The following SBF2 variants were observed in gnomAD, a reference collection of about 807,000 sequenced individuals.
The protein encoded by SBF2 is SET binding factor 2.
SBF2 carries 112 observed loss-of-function variants against 225.2 expected under a neutral mutation model. The observed-to-expected ratio is 0.50, with a 90% CI of 0.43 to 0.58. The LOEUF is 0.58. Among genes scored for constraint, SBF2 ranks in the 20% least tolerant of loss-of-function variants. SBF2 has a pLI of 0.00. For missense variants in SBF2, 1,996 were observed against 2,206.2 expected, an observed-to-expected ratio of 0.90 and a Z score of 1.91; for synonymous variants, 763 against 773.3, an observed-to-expected ratio of 0.99 and a Z score of 0.22.
Position 9,847,227 on chromosome 11 carries a change from C to T in SBF2, c.2807-144G>A, listed in dbSNP as rs1213678653. On this transcript the variant is annotated intron_variant, in intron 22 of 39. Coordinates refer to ENST00000256190, the MANE Select transcript of SBF2 (RefSeq NM_030962.4). ...GGATGCAGTGAAAGAAAGTGCCCTT[C>T]ACTCCAGAAAAGGATTATGTCTCAG... 5.1e-6 allele frequency: 5 copies of T among 976,394 alleles called. No individual in the cohort carries two copies. In the East Asian group the frequency reaches 9.7e-5, roughly 19 times the overall value. 60.5% of individuals were successfully genotyped at this position (976,394 alleles called of 1,614,324 possible).
chr11:9,809,878 G>T (rs976408085), intron 30 of SBF2, among the ~76,000 whole-genome samples: 1 of 152,120 alleles, frequency 6.6e-6, no homozygotes, highest in Non-Finnish European at 1.5e-5. Context: ...TTGGGAATTA[G>T]ATAGTGGTGA....
chr11:10,229,325 GCTCT>G (rs1251125544), intron 1 of SBF2, among the ~76,000 whole-genome samples: 8 of 151,902 alleles, frequency 5.3e-5, no homozygotes, highest in Admixed American at 5.2e-4. Flanking sequence ...CTTCAGTTCT[GCTCT>G]CTTAGTTATT....
chr11:10,030,580 T>C (rs1450957553), intron 4 of SBF2, among the ~76,000 whole-genome samples: 1 of 152,164 alleles, frequency 6.6e-6, no homozygotes, highest in Admixed American at 6.5e-5. Context: ...GTTTGAAAAT[T>C]CTGTGTTTCT....
rs558045086 is a variant in SBF2, at chr11:9,943,619, T to C, written c.1860+18338A>G. Among the ~76,000 whole-genome samples the C allele has an allele frequency of 2.0e-5, 3 of 152,180 alleles. No homozygotes were observed. The East Asian group carries it at 5.8e-4, about 29-fold the overall frequency. On this transcript the variant is annotated intron_variant, in intron 16 of 39. Transcript: ENST00000256190. ...AGAAAACATGCAAAGCCAATGAACA[T>C]GAAAAATTGTTCCACTTATTAGTCA...
intron 16 of SBF2, among the ~76,000 whole-genome samples, chr11:9,955,785 T>C (rs1027107213): frequency 2.0e-5 from 3 of 152,106 alleles, no homozygotes; most frequent in African/African-American, 4.8e-5. Context: ...TATCATTACA[T>C]TGGAAGATCC....
intron 36 of SBF2, 41 bp from the exon 37 acceptor site, chr11:9,785,359 A>G (rs773834266): frequency 1.3e-5 from 19 of 1,500,002 alleles, no homozygotes; most frequent in South Asian, 6.8e-5. Context: ...CTTTACAGAC[A>G]CTTAAACTAC....
At chr11:9,787,783 C>T in intron 35 of SBF2, 45 bp from the exon 36 acceptor site, 1 of 1,527,354 alleles carries the variant, frequency 6.5e-7, no homozygotes, top group Non-Finnish European at 9.1e-7. Flanking sequence ...TCATAGAAAT[C>T]AGGATGGGCC....
At chr11:10,142,710 T>C (rs1409564462) in intron 2 of SBF2, among the ~76,000 whole-genome samples, 7 of 152,242 alleles carry the variant, frequency 4.6e-5, no homozygotes, top group Admixed American at 4.6e-4. Context: ...ACTTCTGATA[T>C]GTGAATATCA....
chr11:9,998,345 G>T lies in SBF2; in HGVS notation c.896C>A (p.Thr299Asn). The change falls in exon 9 of 40, where the codon ACT becomes AAT. Residue 299 changes from threonine (T) to asparagine (N), a missense_variant. Coordinates refer to ENST00000256190, the MANE Select transcript of SBF2 (RefSeq NM_030962.4). Reference sequence around the variant, plus strand: ...GTGAATACATTCGGGAATTTTAATAGTGCCTCCATCCAAATCTGCTATGAT... The same window carrying T: ...GTGAATACATTCGGGAATTTTAATATTGCCTCCATCCAAATCTGCTATGAT... ...DVIIADLDGGTIKIPECIHLS... is the reference protein window; with the variant it reads ...DVIIADLDGGNIKIPECIHLS... 1 of 1,606,300 alleles carries T rather than the reference G, an allele frequency of 6.2e-7. No individual in the cohort carries two copies.
At chr11:9,815,669 G>A (rs1854420164) in intron 29 of SBF2, among the ~76,000 whole-genome samples, 1 of 152,134 alleles carries the variant, frequency 6.6e-6, no homozygotes, top group Non-Finnish European at 1.5e-5. Context: ...TTCGGATCAC[G>A]AGTAAGTGTT....
intron 2 of SBF2, among the ~76,000 whole-genome samples, chr11:10,149,938 G>A (rs1431805877): frequency 6.6e-6 from 1 of 152,068 alleles, no homozygotes; most frequent in Non-Finnish European, 1.5e-5. Flanking sequence ...AGTTTTGAAG[G>A]AAATTTTAGG....
chr11:10,110,119 T>TA, intron 2 of SBF2, among the ~76,000 whole-genome samples: 1 of 152,242 alleles, frequency 6.6e-6, no homozygotes, highest in Middle Eastern at 3.4e-3. Context: ...TGAGGAAAAA[T>TA]AAAACATTTC....
intron 1 of SBF2, among the ~76,000 whole-genome samples, chr11:10,199,877 T>C (rs1957512807): frequency 6.6e-6 from 1 of 152,112 alleles, no homozygotes; most frequent in Non-Finnish European, 1.5e-5. Flanking sequence ...AAATATGGAA[T>C]ATGGAGGTAT....
intron 2 of SBF2, among the ~76,000 whole-genome samples, chr11:10,171,935 G>C (rs981167763): frequency 1.3e-5 from 2 of 152,226 alleles, no homozygotes; most frequent in South Asian, 4.1e-4. Context: ...TTGACATATA[G>C]TTGGTCACAG....
At chr11:9,804,543 T>A (rs1853682257) in intron 32 of SBF2, among the ~76,000 whole-genome samples, 1 of 152,246 alleles carries the variant, frequency 6.6e-6, no homozygotes, top group African/African-American at 2.4e-5. Context: ...ACCACAATCA[T>A]GATACAGAAC....
At chr11:10,233,085 AAAG>A (rs1352150792) in intron 1 of SBF2, among the ~76,000 whole-genome samples, 1 of 152,248 alleles carries the variant, frequency 6.6e-6, no homozygotes, top group Admixed American at 6.5e-5. Flanking sequence ...ATTTTCAGCC[AAAG>A]AAGCTAATTA....
At chr11:9,970,838 CAG>C (rs2134395952) in intron 13 of SBF2, among the ~76,000 whole-genome samples, 1 of 152,274 alleles carries the variant, frequency 6.6e-6, no homozygotes, top group South Asian at 2.1e-4. Context: ...CTAGCAAAGA[CAG>C]GGAAAAATAA....
chr11:10,037,628 AC>A (rs1381768164), intron 3 of SBF2, among the ~76,000 whole-genome samples: 1 of 143,266 alleles, frequency 7.0e-6, no homozygotes, highest in African/African-American at 2.5e-5. Flanking sequence ...GTGTACAGCA[AC>A]TTTTGTTAAA....
At chr11:10,070,637 T>C (rs972094984) in intron 2 of SBF2, among the ~76,000 whole-genome samples, 4 of 152,222 alleles carry the variant, frequency 2.6e-5, no homozygotes, top group African/African-American at 7.2e-5. Context: ...GTCTTGGCAA[T>C]GTGGGCTCTT....
Sources: gnomAD v4.1 joint callset for allele counts (sites outside exome capture counted in the v4.1 genomes callset) on GRCh38, gnomAD v4.1.1 for gene constraint, MANE v1.5 for transcripts, NCBI Gene and HGNC (gene_info 2026-07-23, HGNC 2026-07-21) for gene names.